Variants in ANK2 observed in about 807,000 individuals in gnomAD.
The protein encoded by ANK2 is ankyrin 2, also known as ankyrin-2.
Under a neutral mutation model 360.5 loss-of-function variants are expected in ANK2, and 83 were observed. The ratio of observed to expected loss-of-function variants is 0.23; its 90% CI spans 0.19 to 0.28. The LOEUF is 0.28. ANK2 is among the 10% of genes least tolerant of loss of function. ANK2 has a pLI of 1.00. For synonymous variants in ANK2, 1,740 were observed against 1,759.5 expected, an observed-to-expected ratio of 0.99 and a Z score of 0.28; for missense variants, 4,201 against 4,795.7, an observed-to-expected ratio of 0.88 and a Z score of 3.66.
chr4:112,887,361 G>A lies in ANK2; in HGVS notation c.-39-17094G>A, dbSNP rs150663248. 8.1e-4 allele frequency among the ~76,000 whole-genome samples: 123 copies of A among 152,302 alleles called. 1 individual carries two copies. Among genetic ancestry groups the A allele is most frequent in the African/African-American group, 2.7e-3 (113 of 41,558 alleles). Reference sequence around the variant, plus strand: ...TCCCCAACTGTAGGCTAATGTAAGTGTTCTGAGTTCTGAGCACGTTTGAGA... The same window carrying A: ...TCCCCAACTGTAGGCTAATGTAAGTATTCTGAGTTCTGAGCACGTTTGAGA... On this transcript the variant is annotated intron_variant, in intron 1 of 30. Coordinates refer to the ANK2 transcript ENST00000503271.
chr4:112,875,293 T>C (rs1580262150), intron 1 of ANK2, among the ~76,000 whole-genome samples: 2 of 152,090 alleles, frequency 1.3e-5, no homozygotes, highest in Non-Finnish European at 2.9e-5. Context: ...TGTTGGCTTA[T>C]AGGCTTGCAC....
At chr4:112,924,237 G>A (rs1382437163) in intron 2 of ANK2, among the ~76,000 whole-genome samples, 3 of 151,798 alleles carry the variant, frequency 2.0e-5, no homozygotes, top group African/African-American at 7.3e-5. Flanking sequence ...GTGTGGTGGT[G>A]GGGCCCCTGT....
rs79715281 is a variant in ANK2, at chr4:113,315,187, A to T, written c.2694-2520A>T. ...TGAGAGATAGACTCAGGTATCAACT[A>T]AATGGATATCAAAATTTCACTTGTA... On this transcript the variant is annotated intron_variant, in intron 24 of 45. Transcript: ENST00000357077. Among the ~76,000 whole-genome samples the T allele has an allele frequency of 3.3e-5, 5 of 152,374 alleles. No individual in the cohort carries two copies. In the East Asian group the frequency reaches 9.6e-4, roughly 29 times the overall value.
intron 1 of ANK2, among the ~76,000 whole-genome samples, chr4:113,063,619 A>G (rs1453213321): frequency 6.6e-6 from 1 of 152,174 alleles, no homozygotes; most frequent in Non-Finnish European, 1.5e-5. Context: ...TGGCAGTTAT[A>G]GGTAGGTATT....
At chr4:113,237,246 G>A in intron 6 of ANK2, 74 bp downstream of exon 6, 2 of 1,503,244 alleles carry the variant, frequency 1.3e-6, no homozygotes, top group Admixed American at 1.7e-5. Flanking sequence ...TGATAAAGAA[G>A]TAGGCCATGG....
chr4:112,714,425 T>C, the ANK2 span, among the ~76,000 whole-genome samples: 1 of 152,288 alleles, frequency 6.6e-6, no homozygotes, highest in East Asian at 1.9e-4. Flanking sequence ...TTGAGCAATC[T>C]ACCCACCTTG....
the ANK2 span, among the ~76,000 whole-genome samples, chr4:112,722,568 G>T: frequency 6.6e-6 from 1 of 152,134 alleles, no homozygotes; most frequent in Non-Finnish European, 1.5e-5. Flanking sequence ...CCATCCTCAG[G>T]TGATAGCAGT....
chr4:113,369,551 A>C lies in ANK2; in HGVS notation c.11356A>C (p.Lys3786Gln). ...TPGTETSETQ[K>Q]AMIVPSSPSK... ...AGGAACAGAAACATCAGAGACTCAGAAGGCTATGATAGTACCCAGCTCTCC... is the reference window on the plus strand; with the variant it reads ...AGGAACAGAAACATCAGAGACTCAGCAGGCTATGATAGTACCCAGCTCTCC... The change falls in exon 43 of 46, where the codon AAG becomes CAG. Residue 3786 changes from lysine (K) to glutamine (Q), a missense_variant. By Grantham distance (53) the Lys-to-Gln change is moderately conservative (BLOSUM62 1). Around this residue, in one of 4 missense-constraint regions of ANK2, gnomAD observed 2,642 missense variants for 2,714.5 expected, o/e 0.97. Coordinates refer to ENST00000357077, the MANE Select transcript of ANK2 (RefSeq NM_001148.6). 2 of 1,614,122 alleles carry C rather than the reference A, an allele frequency of 1.2e-6. No individual in the cohort carries two copies. The highest frequency in any genetic ancestry group is 3.3e-5 in the Admixed American group (2 of 60,020).
At chr4:113,243,264 T>A (rs533271282) in intron 9 of ANK2, among the ~76,000 whole-genome samples, 1 of 152,220 alleles carries the variant, frequency 6.6e-6, no homozygotes, top group Non-Finnish European at 1.5e-5. Flanking sequence ...AATATGTCTC[T>A]TATGGTATTT....
At chr4:113,177,640 G>T (rs1345044005) in intron 2 of ANK2, among the ~76,000 whole-genome samples, 10 of 152,186 alleles carry the variant, frequency 6.6e-5, no homozygotes, top group Admixed American at 6.5e-4. Context: ...TCTCTCAACA[G>T]TAAATACTCA....
rs115267269 is a variant in ANK2 at position 113,108,364 on chromosome 4, G to T, written c.84+58552G>T. On this transcript the variant is annotated intron_variant, in intron 1 of 45. Transcript: ENST00000357077. Reference sequence around the variant, plus strand: ...ATTAAGTTCTTACAAAGCATGCATCGTAATTTTCATAAAGCAATAATTTTT... The same window carrying T: ...ATTAAGTTCTTACAAAGCATGCATCTTAATTTTCATAAAGCAATAATTTTT... Among the ~76,000 whole-genome samples the T allele has an allele frequency of 8.1e-4, 124 of 152,184 alleles. 1 individual carries two copies. In the South Asian group the frequency reaches 0.025, roughly 31 times the overall value.
chr4:112,974,051 T>G (rs981012918), intron 2 of ANK2, among the ~76,000 whole-genome samples: 1 of 152,236 alleles, frequency 6.6e-6, no homozygotes, highest in Non-Finnish European at 1.5e-5. Context: ...GCTTTTGATT[T>G]GTAGTGTCTT....
At chr4:113,101,843 T>G (rs1173138018) in intron 1 of ANK2, among the ~76,000 whole-genome samples, 1 of 151,962 alleles carries the variant, frequency 6.6e-6, no homozygotes, top group Non-Finnish European at 1.5e-5. Context: ...AAGTTGAGAT[T>G]TGAAGGATGA....
chr4:112,955,751 A>C (rs969161446), intron 2 of ANK2, among the ~76,000 whole-genome samples: 1 of 152,194 alleles, frequency 6.6e-6, no homozygotes, highest in Non-Finnish European at 1.5e-5. Flanking sequence ...TTATGTGCTA[A>C]TCTTTGATAA....
chr4:112,882,071 C>T (rs571939222), intron 1 of ANK2: 2 of 361,270 alleles, frequency 5.5e-6, no homozygotes, highest in Admixed American at 3.7e-5. Flanking sequence ...AGGCTCTCAT[C>T]GGTTGTTTCA....
the ANK2 span, among the ~76,000 whole-genome samples, chr4:112,761,439 T>C: frequency 6.6e-6 from 1 of 151,984 alleles, no homozygotes; most frequent in Admixed American, 6.6e-5. Flanking sequence ...GCTAACACGG[T>C]GAAACCCCGT....
At chr4:112,915,763 A>T (rs1383706687) in intron 2 of ANK2, among the ~76,000 whole-genome samples, 3 of 150,106 alleles carry the variant, frequency 2.0e-5, no homozygotes, top group South Asian at 2.1e-4. Flanking sequence ...TCAAAAAAAA[A>T]ATAAATAAAT....
At chr4:113,130,593 T>C (rs1380282665) in intron 1 of ANK2, among the ~76,000 whole-genome samples, 1 of 152,184 alleles carries the variant, frequency 6.6e-6, no homozygotes, top group African/African-American at 2.4e-5. Flanking sequence ...TTAGGTATTT[T>C]CCCTAAGCCC....
chr4:112,726,188 G>T, the ANK2 span, among the ~76,000 whole-genome samples: 622 of 152,310 alleles, frequency 4.1e-3, 2 homozygotes, highest in Non-Finnish European at 6.6e-3. Flanking sequence ...AATAGGAAGA[G>T]AGCCAGTTGT....
Sources: allele counts gnomAD v4.1 joint callset (sites outside exome capture counted in the v4.1 genomes callset), GRCh38; gene constraint gnomAD v4.1.1; regional missense constraint gnomAD v4.1.1; transcripts MANE v1.5; gene names NCBI Gene and HGNC (gene_info 2026-07-23, HGNC 2026-07-21).